Variants in VTI1A observed in about 807,000 individuals in gnomAD.
VTI1A encodes the protein vesicle transport through interaction with t-SNAREs homolog 1A.
In VTI1A, 22 loss-of-function variants were observed where a neutral mutation model predicts 34.9. The observed-to-expected ratio is 0.63, with a 90% CI of 0.45 to 0.90. VTI1A has a LOEUF of 0.90. Ranked by LOEUF, VTI1A falls within the 40% of genes least tolerant of loss-of-function variation. The pLI, the probability that VTI1A is intolerant of heterozygous loss-of-function variation, is 0.00. For missense variants in VTI1A, 268 were observed against 275.6 expected, an observed-to-expected ratio of 0.97 and a Z score of 0.20; for synonymous variants, 87 against 97.3, an observed-to-expected ratio of 0.89 and a Z score of 0.62.
chr10:112,473,610 G>A (rs937931225), intron 3 of VTI1A, among the ~76,000 whole-genome samples: 13 of 152,108 alleles, frequency 8.5e-5, no homozygotes, highest in African/African-American at 2.7e-4. Flanking sequence ...GATTAGGATC[G>A]TCTCTCAGAA....
At chr10:112,715,860 CG>C in intron 7 of VTI1A, among the ~76,000 whole-genome samples, 1 of 152,322 alleles carries the variant, frequency 6.6e-6, no homozygotes, top group African/African-American at 2.4e-5. Flanking sequence ...CTGGTGTATT[CG>C]CAGACTTGTT....
the VTI1A span, among the ~76,000 whole-genome samples, chr10:112,849,033 G>C: frequency 5.9e-5 from 9 of 152,194 alleles, no homozygotes; most frequent in Admixed American, 3.9e-4. Context: ...GGTGAGGCCA[G>C]CTTCTGGACC....
chr10:112,666,215 G>A (rs1181966234), intron 5 of VTI1A, among the ~76,000 whole-genome samples: 1 of 152,088 alleles, frequency 6.6e-6, no homozygotes, highest in Non-Finnish European at 1.5e-5. Context: ...TTTACCTTAA[G>A]GATAAATTGT....
intron 7 of VTI1A, among the ~76,000 whole-genome samples, chr10:112,807,748 G>A (rs1383616726): frequency 6.6e-6 from 1 of 152,210 alleles, no homozygotes; most frequent in African/African-American, 2.4e-5. Context: ...AGCTACTTGG[G>A]AGGCTGAGGC....
chr10:112,811,683 CAAAA>C (rs869030543), intron 7 of VTI1A, among the ~76,000 whole-genome samples: 251 of 11,824 alleles, frequency 0.021, 11 homozygotes, highest in African/African-American at 0.079. Context: ...GACTCCGTCT[CAAAA>C]AAAAAAAAAA....
intron 5 of VTI1A, among the ~76,000 whole-genome samples, chr10:112,550,538 G>T (rs149257120): frequency 2.2e-4 from 33 of 152,158 alleles, no homozygotes; most frequent in African/African-American, 6.3e-4. Flanking sequence ...TGAAGCTTTC[G>T]TCTGTATTTC....
intron 7 of VTI1A, among the ~76,000 whole-genome samples, chr10:112,813,809 C>A (rs1853408527): frequency 6.6e-6 from 1 of 152,152 alleles, no homozygotes; most frequent in Non-Finnish European, 1.5e-5. Context: ...CTAAACGAGA[C>A]AGATCTTAGC....
intron 7 of VTI1A, among the ~76,000 whole-genome samples, chr10:112,750,020 T>C (rs958290388): frequency 6.6e-6 from 1 of 152,180 alleles, no homozygotes; most frequent in African/African-American, 2.4e-5. Context: ...AGTAAAAGTA[T>C]AAAAACAGGG....
At chr10:112,461,903 A>AG (rs1334087147) in intron 2 of VTI1A, among the ~76,000 whole-genome samples, 2 of 152,104 alleles carry the variant, frequency 1.3e-5, no homozygotes, top group African/African-American at 4.8e-5. Context: ...GTTTGTAGAG[A>AG]GGGGGTTTTG....
intron 5 of VTI1A, among the ~76,000 whole-genome samples, chr10:112,611,130 G>A (rs10885361): frequency 0.54 from 82,540 of 152,056 alleles, 22,759 homozygotes; most frequent in Admixed American, 0.65. Context: ...TCCCAGCATG[G>A]TGACATTGAC....
chr10:112,745,841 A>T (rs1850877493), intron 7 of VTI1A, among the ~76,000 whole-genome samples: 1 of 152,224 alleles, frequency 6.6e-6, no homozygotes, highest in South Asian at 2.1e-4. Context: ...TGAAGCCCAG[A>T]ATGAAGCTGA....
intron 7 of VTI1A, among the ~76,000 whole-genome samples, chr10:112,779,834 A>G (rs962115930): frequency 9.2e-5 from 14 of 152,198 alleles, no homozygotes; most frequent in Non-Finnish European, 1.5e-4. Flanking sequence ...CAACGTTATT[A>G]TTAAATAGAA....
chr10:112,752,285 C>A, intron 7 of VTI1A: 1 of 845,990 alleles, frequency 1.2e-6, no homozygotes, highest in Non-Finnish European at 1.4e-6. Context: ...CTGGCTCCAG[C>A]CAGGGTCCCC....
intron 5 of VTI1A, among the ~76,000 whole-genome samples, chr10:112,650,471 A>T (rs373898022): frequency 2.1e-5 from 3 of 141,128 alleles, no homozygotes; most frequent in Non-Finnish European, 4.7e-5. Flanking sequence ...ATTTTTTTTT[A>T]AATAAGTGGA....
intron 7 of VTI1A, among the ~76,000 whole-genome samples, chr10:112,801,937 C>T (rs1270552779): frequency 6.6e-6 from 1 of 152,202 alleles, no homozygotes; most frequent in Non-Finnish European, 1.5e-5. Flanking sequence ...TTAATCAGTG[C>T]CCTGCACTAC....
chr10:112,628,061 AAAT>A (rs1367986147), intron 5 of VTI1A, among the ~76,000 whole-genome samples: 1 of 152,148 alleles, frequency 6.6e-6, no homozygotes, highest in Non-Finnish European at 1.5e-5. Flanking sequence ...TCTTTTTAAA[AAAT>A]AAAATTCTAT....
chr10:112,812,648 G>A (rs887826001), intron 7 of VTI1A, among the ~76,000 whole-genome samples: 3 of 152,116 alleles, frequency 2.0e-5, no homozygotes, highest in Non-Finnish European at 2.9e-5. Context: ...AGGTTGGGGT[G>A]GATGGCCCAG....
intron 7 of VTI1A, chr10:112,671,901 T>C (rs1847863709): frequency 6.6e-6 from 1 of 152,228 alleles, no homozygotes; most frequent in South Asian, 2.1e-4. Context: ...GCTTATTCAT[T>C]TCCTTAGTAA....
chr10:112,618,489 T>TTATATA (rs1209916722), intron 5 of VTI1A, among the ~76,000 whole-genome samples: 18 of 74,348 alleles, frequency 2.4e-4, no homozygotes, highest in South Asian at 5.9e-4. Context: ...AATGATTATA[T>TTATATA]TATATATATA....
Sources: allele counts gnomAD v4.1 joint callset (sites outside exome capture counted in the v4.1 genomes callset), GRCh38; gene constraint gnomAD v4.1.1; transcripts MANE v1.5; gene names NCBI Gene and HGNC (gene_info 2026-07-23, HGNC 2026-07-21).